TMBIM4: variants seen among roughly 807,000 people sequenced by gnomAD.
TMBIM4 encodes transmembrane BAX inhibitor motif containing 4.
TMBIM4 carries 28 observed loss-of-function variants against 27.7 expected under a neutral mutation model. The ratio of observed to expected loss-of-function variants is 1.01; its 90% CI spans 0.75 to 1.38. The LOEUF is 1.38. Ranked by LOEUF, TMBIM4 falls within the 40% of genes most tolerant of loss-of-function variation. The pLI is 0.00. For missense variants in TMBIM4, 265 were observed against 277.5 expected (o/e 0.95, Z 0.32); for synonymous variants, 115 against 113.1 (o/e 1.02, Z -0.11).
At chr12:66,143,967 G>C (rs1251602864) in intron 5 of TMBIM4, among the ~76,000 whole-genome samples, 1 of 152,118 alleles carries the variant, frequency 6.6e-6, no homozygotes, top group Non-Finnish European at 1.5e-5. Context: ...TTATTATTAG[G>C]ATTTTGCTAG....
At chr12:66,139,675 T>G (rs1426713732) in intron 5 of TMBIM4, 1 of 455,976 alleles carries the variant, frequency 2.2e-6, no homozygotes, top group Non-Finnish European at 4.4e-6. Flanking sequence ...AGAAGAGAAC[T>G]ATCCACCAAA....
At chr12:66,152,847 G>A (rs1375891715) in intron 2 of TMBIM4, among the ~76,000 whole-genome samples, 1 of 151,856 alleles carries the variant, frequency 6.6e-6, no homozygotes, top group Non-Finnish European at 1.5e-5. Flanking sequence ...ATATTCATTA[G>A]TTCTCCTTTC....
chr12:66,138,823 T>C, intron 5 of TMBIM4, 54 bp from the exon 6 acceptor site: 1 of 1,425,506 alleles, frequency 7.0e-7, no homozygotes, highest in African/African-American at 1.5e-5. Flanking sequence ...AAAAAAACTT[T>C]GTAAACCCAT....
chr12:66,160,131 T>C, intron 1 of TMBIM4: 1 of 696,976 alleles, frequency 1.4e-6, no homozygotes, highest in Non-Finnish European at 2.6e-6. Flanking sequence ...GCAACAGATA[T>C]CTTATGGCCC....
At chr12:66,149,390 A>G (rs1453084228) in intron 3 of TMBIM4, among the ~76,000 whole-genome samples, 4 of 146,396 alleles carry the variant, frequency 2.7e-5, no homozygotes, top group Non-Finnish European at 6.0e-5. Context: ...GGTTGCAGTG[A>G]GCCAAGTTCG....
At chr12:66,158,644 C>CAAA (rs71434101) in intron 1 of TMBIM4, among the ~76,000 whole-genome samples, 126 of 109,452 alleles carry the variant, frequency 1.2e-3, no homozygotes, top group East Asian at 6.3e-3. Flanking sequence ...GACTCTGTCT[C>CAAA]AAAAAAAAAA....
chr12:66,163,317 G>A (rs528613378), intron 1 of TMBIM4, among the ~76,000 whole-genome samples: 9 of 152,086 alleles, frequency 5.9e-5, no homozygotes, highest in African/African-American at 1.2e-4. Context: ...ATATCACATC[G>A]TCACTGTTCA....
intron 1 of TMBIM4, among the ~76,000 whole-genome samples, chr12:66,167,079 A>G (rs1050390126): frequency 6.6e-6 from 1 of 152,248 alleles, no homozygotes; most frequent in African/African-American, 2.4e-5. Flanking sequence ...TTGGGAAAAG[A>G]CAAAACTATG....
intron 1 of TMBIM4, among the ~76,000 whole-genome samples, chr12:66,167,313 C>T (rs534349226): frequency 6.6e-6 from 1 of 152,290 alleles, no homozygotes; most frequent in Non-Finnish European, 1.5e-5. Context: ...ACATACCACT[C>T]TGGTACAGAA....
intron 1 of TMBIM4, among the ~76,000 whole-genome samples, chr12:66,162,395 G>A (rs1178921600): frequency 6.6e-6 from 1 of 152,202 alleles, no homozygotes; most frequent in Non-Finnish European, 1.5e-5. Context: ...ATTTGCCACA[G>A]ATAAAGAGGG....
At chr12:66,166,005 T>C (rs2136887968) in intron 1 of TMBIM4, among the ~76,000 whole-genome samples, 1 of 152,344 alleles carries the variant, frequency 6.6e-6, no homozygotes, top group East Asian at 1.9e-4. Context: ...TCCAATGTCC[T>C]CCTATGTTTT....
At chr12:66,140,509 GACA>G (rs1408583070) in intron 5 of TMBIM4, among the ~76,000 whole-genome samples, 2 of 152,146 alleles carry the variant, frequency 1.3e-5, no homozygotes, top group Admixed American at 1.3e-4. Flanking sequence ...TGAATTAGGG[GACA>G]ACATCTAGAA....
rs934864562 is a variant in TMBIM4 at position 66,136,237 on chromosome 12, A to G, written c.*1723T>C. 4 of 152,188 alleles carry G rather than the reference A, an allele frequency of 2.6e-5. No individual in the cohort carries two copies. Among genetic ancestry groups the G allele is most frequent in the African/African-American group, 9.6e-5 (4 of 41,458 alleles). 9.4% of individuals were successfully genotyped at this position (152,188 alleles called of 1,614,324 possible). A position where few individuals can be genotyped will look rare whatever the true frequency, so the allele number is the denominator to read the frequency against. ...TGAAGATGAGGCAGAAGACCTAAGG[A>G]AGGATAAATAATTCGCCAAATGTCA... On this transcript the variant is annotated 3_prime_UTR_variant, in exon 7 of 7. Coordinates refer to ENST00000358230, the MANE Select transcript of TMBIM4 (RefSeq NM_016056.4).
At chr12:66,140,993 A>C (rs2051659285) in intron 5 of TMBIM4, among the ~76,000 whole-genome samples, 1 of 152,176 alleles carries the variant, frequency 6.6e-6, no homozygotes, top group Admixed American at 6.5e-5. Flanking sequence ...TAAAATACTG[A>C]AAGCAAGAAA....
intron 5 of TMBIM4, among the ~76,000 whole-genome samples, chr12:66,140,851 A>G (rs1263338933): frequency 3.9e-5 from 6 of 152,208 alleles, no homozygotes; most frequent in Non-Finnish European, 5.9e-5. Flanking sequence ...ACTGCAAACC[A>G]GTGATAAAGA....
chr12:66,147,121 AT>A (rs1192412357), intron 4 of TMBIM4, among the ~76,000 whole-genome samples: 1 of 151,964 alleles, frequency 6.6e-6, no homozygotes, highest in Non-Finnish European at 1.5e-5. Context: ...CTTCAATCCT[AT>A]TTATTATTTA....
At chr12:66,152,231 G>A (rs1300814090) in intron 3 of TMBIM4, 40 bp downstream of exon 3, 3 of 1,272,142 alleles carry the variant, frequency 2.4e-6, no homozygotes, top group Admixed American at 2.1e-5. Flanking sequence ...TAAAACTCAG[G>A]AATAATTGTT....
intron 1 of TMBIM4, among the ~76,000 whole-genome samples, chr12:66,157,032 A>G (rs1379891779): frequency 6.6e-6 from 1 of 152,176 alleles, no homozygotes; most frequent in African/African-American, 2.4e-5. Flanking sequence ...GTAGCCTTCT[A>G]GGTACTTTTT....
intron 1 of TMBIM4, among the ~76,000 whole-genome samples, chr12:66,167,268 T>A (rs2052147741): frequency 6.6e-6 from 1 of 152,228 alleles, no homozygotes; most frequent in Admixed American, 6.5e-5. Context: ...TGGGTGATAA[T>A]GAGGTGTCCA....
Sources: allele counts gnomAD v4.1 joint callset (sites outside exome capture counted in the v4.1 genomes callset), GRCh38; gene constraint gnomAD v4.1.1; transcripts MANE v1.5; gene names NCBI Gene and HGNC (gene_info 2026-07-23, HGNC 2026-07-21).